Variants in PCED1B observed in about 807,000 individuals in gnomAD.
The protein encoded by PCED1B is PC-esterase domain-containing protein 1B.
For missense variants in PCED1B, 573 were observed against 573.9 expected (o/e 1.00, Z 0.02); for synonymous variants, 251 against 246.1 (o/e 1.02, Z -0.19).
rs150464050 is a variant in PCED1B, at chr12:47,145,318, G to C, written c.-526+41123G>C. 5.2e-4 allele frequency among the ~76,000 whole-genome samples: 79 copies of C among 152,302 alleles called. No individual in the cohort carries two copies. The East Asian group carries it at 0.014, about 26-fold the overall frequency. Reference sequence around the variant, plus strand: ...TTCATGAGATTTAAGGAAAGAAGCCGTTTCCATTACATAAAAGTGCAAGGT... The same window carrying C: ...TTCATGAGATTTAAGGAAAGAAGCCCTTTCCATTACATAAAAGTGCAAGGT... On this transcript the variant is annotated intron_variant, in intron 2 of 3. Transcript: ENST00000546455.
intron 2 of PCED1B, among the ~76,000 whole-genome samples, chr12:47,105,972 T>G (rs1003663659): frequency 2.0e-5 from 3 of 152,214 alleles, no homozygotes; most frequent in Non-Finnish European, 4.4e-5. Flanking sequence ...TGTACAATTT[T>G]TAATTAAAAA....
At position 47,230,086 on chromosome 12, in the gene PCED1B, C is replaced by CTTT. The variant is rs368243759; in HGVS notation, c.-57-4906_-57-4904dup. On this transcript the variant is annotated intron_variant, in intron 3 of 3. Transcript: ENST00000546455. ...ACTGCACTCAGCAAGTAATCATTTT[C>CTTT]TTTTTTTTTTTTTTTTTGAGACGGA... 9.1e-4 allele frequency among the ~76,000 whole-genome samples: 104 copies of CTTT among 114,868 alleles called. 2 individuals are homozygous for CTTT. Among genetic ancestry groups the CTTT allele is most frequent in the Non-Finnish European group, 1.4e-3 (79 of 57,378 alleles). The allele number at this position is 114,868 out of a possible 152,430, so 75.4% of individuals were successfully genotyped here.
At chr12:47,225,019 C>A (rs1461940109) in intron 3 of PCED1B, among the ~76,000 whole-genome samples, 1 of 152,152 alleles carries the variant, frequency 6.6e-6, no homozygotes, top group Non-Finnish European at 1.5e-5. Flanking sequence ...GCAACCTCCA[C>A]CTCCCAGGTT....
intron 2 of PCED1B, among the ~76,000 whole-genome samples, chr12:47,165,088 C>G (rs185171872): frequency 7.2e-5 from 11 of 152,330 alleles, no homozygotes; most frequent in Non-Finnish European, 1.2e-4. Context: ...CCTGGAGGGG[C>G]TCCTTTGAGC....
chr12:47,120,927 A>G (rs758192757), intron 2 of PCED1B, among the ~76,000 whole-genome samples: 3 of 152,192 alleles, frequency 2.0e-5, no homozygotes, highest in African/African-American at 4.8e-5. Flanking sequence ...AATTTATGTG[A>G]AATGTTCTTA....
At chr12:47,159,286 A>G (rs1251797648) in intron 2 of PCED1B, among the ~76,000 whole-genome samples, 1 of 152,010 alleles carries the variant, frequency 6.6e-6, no homozygotes, top group Non-Finnish European at 1.5e-5. Flanking sequence ...ATTGTATGGT[A>G]GTTGTTCTAT....
In PCED1B at chr12:47,229,211, C is replaced by T. The variant is rs535013249; in HGVS notation, c.-57-5796C>T. On this transcript the variant is annotated intron_variant, in intron 3 of 3. Coordinates refer to ENST00000546455, the MANE Select transcript of PCED1B (RefSeq NM_138371.3). ...GGTGGATCACCTGAGGTCAGGAGTT[C>T]GAGACCAGCTGGCCAACATGGTGAA... is the stretch of plus-strand genomic sequence containing the variant. 3.3e-5 allele frequency among the ~76,000 whole-genome samples: 5 copies of T among 151,932 alleles called. No homozygotes were observed. The East Asian group carries it at 7.8e-4, about 24-fold the overall frequency.
chr12:47,175,839 T>C (rs941735871), intron 2 of PCED1B, among the ~76,000 whole-genome samples: 1 of 152,076 alleles, frequency 6.6e-6, no homozygotes, highest in African/African-American at 2.4e-5. Flanking sequence ...CCCAAAGTCC[T>C]GGGTTTACAG....
rs774214450 is a variant in PCED1B, at chr12:47,235,636, C to G, written c.573C>G (p.Asn191Lys). 8.1e-6 allele frequency: 13 copies of G among 1,610,440 alleles called. No individual in the cohort carries two copies. Among genetic ancestry groups the G allele is most frequent in the Non-Finnish European group, 1.0e-5 (12 of 1,178,512 alleles). ...LRRQKATFLK[N>K]EVVKANFHSA... Reference sequence around the variant, plus strand: ...GGCAGAAGGCCACCTTCCTGAAAAACGAAGTGGTCAAAGCCAACTTCCACA... The same window carrying G: ...GGCAGAAGGCCACCTTCCTGAAAAAGGAAGTGGTCAAAGCCAACTTCCACA... Residue 191 changes from asparagine to lysine, a missense_variant, in exon 4 of 4, where the codon AAC becomes AAG. Physicochemically the swap from Asn to Lys is moderately conservative, Grantham distance 94. Coordinates refer to ENST00000546455, the MANE Select transcript of PCED1B (RefSeq NM_138371.3).
At position 47,174,442 on chromosome 12, in the gene PCED1B, A is replaced by T. The variant is rs544027581; in HGVS notation, c.-525-41780A>T. 9.5e-4 allele frequency among the ~76,000 whole-genome samples: 143 copies of T among 150,994 alleles called. 1 individual carries two copies. The highest frequency in any genetic ancestry group is 4.6e-4 in the Admixed American group (7 of 15,210). ...AAACAAACAAAACAAACAAACAAAC[A>T]AAATAAATAAATAAATAAATAAATA... On this transcript the variant is annotated intron_variant, in intron 2 of 3. Coordinates refer to ENST00000546455, the MANE Select transcript of PCED1B (RefSeq NM_138371.3).
intron 2 of PCED1B, among the ~76,000 whole-genome samples, chr12:47,211,916 A>G (rs55849521): frequency 0.2 from 29,459 of 151,014 alleles, 3,558 homozygotes; most frequent in Non-Finnish European, 0.28. Context: ...TCTACTAAAA[A>G]TACAAAAAAT....
intron 2 of PCED1B, among the ~76,000 whole-genome samples, chr12:47,177,199 T>C (rs550604112): frequency 6.6e-6 from 1 of 152,218 alleles, no homozygotes; most frequent in South Asian, 2.1e-4. Context: ...CAAGTACTCA[T>C]CTGGGGGCAT....
intron 2 of PCED1B, among the ~76,000 whole-genome samples, chr12:47,140,960 G>C (rs1308370434): frequency 6.6e-6 from 1 of 152,094 alleles, no homozygotes; most frequent in East Asian, 1.9e-4. Flanking sequence ...AAACATTCTT[G>C]GTACTTTCAG....
At chr12:47,169,974 G>A (rs1243885004) in intron 2 of PCED1B, among the ~76,000 whole-genome samples, 1 of 148,690 alleles carries the variant, frequency 6.7e-6, no homozygotes, top group Admixed American at 6.8e-5. Context: ...TAGGACAATA[G>A]TGGAGGGAAG....
At chr12:47,103,339 A>C (rs1194444559) in intron 1 of PCED1B, among the ~76,000 whole-genome samples, 1 of 152,172 alleles carries the variant, frequency 6.6e-6, no homozygotes, top group Non-Finnish European at 1.5e-5. Context: ...CCATTTTGTC[A>C]TCTGTGCAGC....
intron 1 of PCED1B, among the ~76,000 whole-genome samples, chr12:47,087,412 A>G (rs1938041999): frequency 6.6e-6 from 1 of 152,136 alleles, no homozygotes; most frequent in African/African-American, 2.4e-5. Context: ...CTTGCTCTGG[A>G]TTGATGCTTA....
intron 2 of PCED1B, among the ~76,000 whole-genome samples, chr12:47,171,018 T>C (rs988255517): frequency 6.6e-6 from 1 of 151,866 alleles, no homozygotes; most frequent in African/African-American, 2.4e-5. Flanking sequence ...CACCAATAAA[T>C]GAGACTTTTG....
At chr12:47,082,281 T>C (rs1937769704) in intron 1 of PCED1B, among the ~76,000 whole-genome samples, 1 of 152,196 alleles carries the variant, frequency 6.6e-6, no homozygotes, top group Non-Finnish European at 1.5e-5. Context: ...TTTTGATAAA[T>C]GAACTGATGA....
chr12:47,103,007 T>C (rs1241272005), intron 1 of PCED1B, among the ~76,000 whole-genome samples: 1 of 152,116 alleles, frequency 6.6e-6, no homozygotes, highest in African/African-American at 2.4e-5. Flanking sequence ...TCTTGTATGC[T>C]CTCTTATGTC....
Sources: allele counts gnomAD v4.1 joint callset (sites outside exome capture counted in the v4.1 genomes callset), GRCh38; gene constraint gnomAD v4.1.1; transcripts MANE v1.5; gene names NCBI Gene and HGNC (gene_info 2026-07-23, HGNC 2026-07-21).